The following PREX2 variants were observed in gnomAD, a reference collection of about 807,000 sequenced individuals.
The protein encoded by PREX2 is phosphatidylinositol 3,4,5-trisphosphate-dependent Rac exchanger 2 protein.
A neutral mutation model predicts 203.2 loss-of-function variants in PREX2; 107 were observed. That is an observed-to-expected ratio of 0.53 (90% confidence interval 0.45 to 0.62). The LOEUF is 0.62. Among genes scored for constraint, PREX2 ranks in the 20% least tolerant of loss-of-function variants. The pLI is 0.00. For missense variants in PREX2, 1,777 were observed against 1,955.9 expected (o/e 0.91, Z 1.72); for synonymous variants, 672 against 663.6 (o/e 1.01, Z -0.19).
chr8:67,963,355 A>G (rs986920298), intron 1 of PREX2, among the ~76,000 whole-genome samples: 1 of 152,188 alleles, frequency 6.6e-6, no homozygotes, highest in African/African-American at 2.4e-5. Flanking sequence ...ATTATTTCTT[A>G]TTAAGACCAT....
intron 35 of PREX2, among the ~76,000 whole-genome samples, chr8:68,183,111 G>A (rs1248924757): frequency 6.6e-6 from 1 of 151,940 alleles, no homozygotes. Flanking sequence ...AAAATGTGAG[G>A]CTTTTGGCAC....
At chr8:68,007,124 G>A (rs1412455093) in intron 1 of PREX2, among the ~76,000 whole-genome samples, 2 of 152,084 alleles carry the variant, frequency 1.3e-5, no homozygotes, top group Non-Finnish European at 2.9e-5. Flanking sequence ...CATTTTGTTG[G>A]CAGCTATTTG....
chr8:68,090,664 C>T lies in PREX2; in HGVS notation c.2199C>T (p.Ala733=). 4 of 1,613,910 alleles carry T rather than the reference C, an allele frequency of 2.5e-6. No homozygotes were observed. The highest frequency in any genetic ancestry group is 3.4e-6 in the Non-Finnish European group (4 of 1,179,856). The change falls in exon 20 of 40, where the codon GCC becomes GCT. Residue 733 remains alanine, a synonymous_variant. Transcript: ENST00000288368. ...NGINVSKETH[A]SVIAHVTACR... is the part of the protein sequence containing the mutation. ...TCAATGTCAGCAAAGAGACACATGC[C>T]AGTGTCATTGCACACGTTACAGCCT... is the stretch of plus-strand genomic sequence containing the variant.
intron 39 of PREX2, among the ~76,000 whole-genome samples, chr8:68,230,687 G>T (rs1046003520): frequency 2.0e-5 from 3 of 152,148 alleles, no homozygotes; most frequent in Non-Finnish European, 2.9e-5. Flanking sequence ...GCTGCAATGG[G>T]AAGCATTTCC....
rs774996256 is a variant in PREX2 at position 68,080,397 on chromosome 8, G to A, written c.1643-46G>A. The A allele has an allele frequency of 7.0e-6, 11 of 1,579,868 alleles. No individual in the cohort carries two copies. The Admixed American group carries it at 8.6e-5, about 12-fold the overall frequency. On this transcript the variant is annotated intron_variant, in intron 15 of 39. Coordinates refer to ENST00000288368, the MANE Select transcript of PREX2 (RefSeq NM_024870.4). ...TGTCACTGCTATTGAAAATGAGTGCGATTTTTGAATTAGCTGAAATAATTT... is the reference window on the plus strand; with the variant it reads ...TGTCACTGCTATTGAAAATGAGTGCAATTTTTGAATTAGCTGAAATAATTT...
At position 68,097,143 on chromosome 8, in the gene PREX2, A is replaced by G. The variant is rs1416550897; in HGVS notation, c.2495A>G (p.Lys832Arg). The change falls in exon 22 of 40, where the codon AAG becomes AGG. Residue 832 changes from lysine to arginine, a missense_variant. Lys to Arg is a conservative substitution (Grantham distance 26, BLOSUM62 2). Coordinates refer to ENST00000288368, the MANE Select transcript of PREX2 (RefSeq NM_024870.4). Reference sequence around the variant, plus strand: ...GAGTACGACAGCACAGCTGGCATCAAGTGCAATGTGGTGGAAAAGATGATT... The same window carrying G: ...GAGTACGACAGCACAGCTGGCATCAGGTGCAATGTGGTGGAAAAGATGATT... ...VYEYDSTAGI[K>R]CNVVEKMIEP... 2.5e-6 allele frequency: 4 copies of G among 1,613,932 alleles called. No individual in the cohort carries two copies. Among genetic ancestry groups the G allele is most frequent in the African/African-American group, 2.7e-5 (2 of 74,936 alleles).
intron 1 of PREX2, among the ~76,000 whole-genome samples, chr8:67,957,558 T>C (rs980744711): frequency 6.6e-6 from 1 of 152,144 alleles, no homozygotes; most frequent in African/African-American, 2.4e-5. Flanking sequence ...ACATGGCAAA[T>C]TCCCAGAGAA....
At chr8:68,130,350 G>T (rs1434757) in intron 31 of PREX2, among the ~76,000 whole-genome samples, 1 of 151,898 alleles carries the variant, frequency 6.6e-6, no homozygotes, top group African/African-American at 2.4e-5. Context: ...TTTGGTAAAG[G>T]ATGGATACTT....
At chr8:68,083,485 A>G (rs1563535991) in intron 18 of PREX2, 97 bp downstream of exon 18, 1 of 913,074 alleles carries the variant, frequency 1.1e-6, no homozygotes, top group Non-Finnish European at 1.6e-6. Context: ...TAAGCATCTC[A>G]TTGCTTGGAA....
chr8:68,208,979 A>C (rs1291450138), intron 37 of PREX2, among the ~76,000 whole-genome samples: 1 of 150,400 alleles, frequency 6.6e-6, no homozygotes, highest in Non-Finnish European at 1.5e-5. Flanking sequence ...CCAAGGCAGG[A>C]GGATCACTTA....
intron 39 of PREX2, among the ~76,000 whole-genome samples, chr8:68,226,115 A>C (rs769590306): frequency 6.6e-6 from 1 of 152,238 alleles, no homozygotes; most frequent in Non-Finnish European, 1.5e-5. Context: ...GACATTATCT[A>C]CAAGGGAGTA....
At chr8:67,952,751 G>A (rs537836896) in intron 1 of PREX2, 13 of 668,552 alleles carry the variant, frequency 1.9e-5, no homozygotes, top group Non-Finnish European at 3.4e-5. Flanking sequence ...AGTTGCGGGG[G>A]CCTTGGAGAC....
intron 11 of PREX2, among the ~76,000 whole-genome samples, chr8:68,061,987 T>A (rs7843007): frequency 0.26 from 39,568 of 152,112 alleles, 5,411 homozygotes; most frequent in Non-Finnish European, 0.3. Context: ...TATGGATGTT[T>A]GGCTATGGTA....
chr8:68,039,988 A>G (rs1488948309), intron 7 of PREX2, among the ~76,000 whole-genome samples: 2 of 152,122 alleles, frequency 1.3e-5, no homozygotes, highest in Non-Finnish European at 2.9e-5. Context: ...CACCTTGCTC[A>G]AAGCCCTCAT....
intron 1 of PREX2, among the ~76,000 whole-genome samples, chr8:67,967,052 G>A (rs1478630707): frequency 5.9e-5 from 9 of 152,186 alleles, no homozygotes. Context: ...TATGTAAGAT[G>A]AAAAAGCAGG....
chr8:68,136,616 C>T (rs1811117283), intron 32 of PREX2, among the ~76,000 whole-genome samples: 1 of 152,188 alleles, frequency 6.6e-6, no homozygotes, highest in East Asian at 1.9e-4. Flanking sequence ...ATTCTTCAGT[C>T]CTGTCCTTTC....
intron 9 of PREX2, among the ~76,000 whole-genome samples, chr8:68,054,182 T>G (rs111899401): frequency 1.5e-3 from 236 of 152,322 alleles, no homozygotes; most frequent in African/African-American, 5.5e-3. Context: ...CAAAACATTT[T>G]CAAATACTCC....
rs1407470935 is a variant in PREX2, at chr8:67,952,399, G to A, written c.5G>A (p.Ser2Asn). 4.5e-6 allele frequency: 7 copies of A among 1,551,320 alleles called. No individual in the cohort carries two copies. The Admixed American group carries it at 9.7e-5, about 21-fold the overall frequency. M[S>N]EDSRGDSRAE... is the part of the protein sequence containing the mutation. ...CGCTGCGCACCGCCGCCGACCATGA[G>A]CGAGGACAGCCGCGGAGACAGCCGC... The change falls in exon 1 of 40, where the codon AGC becomes AAC. Residue 2 changes from serine to asparagine, a missense_variant. Physicochemically the swap from Ser to Asn is conservative, Grantham distance 46. Transcript: ENST00000288368.
At chr8:68,081,326 G>A (rs1374159616) in intron 17 of PREX2, among the ~76,000 whole-genome samples, 3 of 152,124 alleles carry the variant, frequency 2.0e-5, no homozygotes, top group Non-Finnish European at 2.9e-5. Flanking sequence ...GTGCTCACTC[G>A]CCCGCCGCTC....
Sources: gnomAD v4.1 joint callset for allele counts (sites outside exome capture counted in the v4.1 genomes callset) on GRCh38, gnomAD v4.1.1 for gene constraint, MANE v1.5 for transcripts, NCBI Gene and HGNC (gene_info 2026-07-23, HGNC 2026-07-21) for gene names.